The following BEND6 variants were observed in gnomAD, a reference collection of about 807,000 sequenced individuals.
BEND6 encodes the protein BEN domain-containing protein 6.
BEND6 carries 24 observed loss-of-function variants against 31.8 expected under a neutral mutation model. That is an observed-to-expected ratio of 0.75 (90% confidence interval 0.55 to 1.06). The LOEUF is 1.06. Ranked by LOEUF, BEND6 falls within the 50% of genes least tolerant of loss-of-function variation. The pLI is 0.00. For missense variants in BEND6, 294 were observed against 327.4 expected, an observed-to-expected ratio of 0.90 and a Z score of 0.79; for synonymous variants, 109 against 114.6, an observed-to-expected ratio of 0.95 and a Z score of 0.31.
chr6:56,966,284 TAG>T (rs1419116813), intron 1 of BEND6, among the ~76,000 whole-genome samples: 2 of 152,092 alleles, frequency 1.3e-5, no homozygotes, highest in Non-Finnish European at 2.9e-5. Flanking sequence ...GTATATTTAG[TAG>T]AGATGAAGTT....
chr6:56,996,210 G>T (rs879810441), intron 3 of BEND6, among the ~76,000 whole-genome samples: 1 of 152,118 alleles, frequency 6.6e-6, no homozygotes, highest in Non-Finnish European at 1.5e-5. Context: ...TCTTTGGGAG[G>T]CCAAAGCGGG....
At chr6:56,968,260 A>G (rs748104329) in intron 1 of BEND6, among the ~76,000 whole-genome samples, 4 of 150,356 alleles carry the variant, frequency 2.7e-5, no homozygotes, top group Admixed American at 6.6e-5. Flanking sequence ...ATTCAGGTCT[A>G]TAGCCCCCTC....
intron 1 of BEND6, among the ~76,000 whole-genome samples, chr6:56,961,740 TG>T (rs1825293957): frequency 6.6e-6 from 1 of 152,188 alleles, no homozygotes; most frequent in African/African-American, 2.4e-5. Context: ...ACAGACATTC[TG>T]GTAAATAAAG....
chr6:57,023,129 G>A (rs1827802725), intron 6 of BEND6, among the ~76,000 whole-genome samples: 1 of 152,190 alleles, frequency 6.6e-6, no homozygotes, highest in Non-Finnish European at 1.5e-5. Context: ...GTGAATATCA[G>A]TTTGGCCTAT....
At chr6:56,985,798 T>C (rs963966934) in intron 2 of BEND6, among the ~76,000 whole-genome samples, 1 of 152,262 alleles carries the variant, frequency 6.6e-6, no homozygotes, top group African/African-American at 2.4e-5. Context: ...TCTTGGTTAT[T>C]CTGATGGATT....
chr6:56,962,426 C>A (rs894779833), intron 1 of BEND6, among the ~76,000 whole-genome samples: 2 of 152,190 alleles, frequency 1.3e-5, no homozygotes, highest in Non-Finnish European at 2.9e-5. Flanking sequence ...CTGTTTCACT[C>A]CAGTGGGCAA....
At chr6:56,969,051 G>A (rs2127843169) in intron 1 of BEND6, among the ~76,000 whole-genome samples, 1 of 151,676 alleles carries the variant, frequency 6.6e-6, no homozygotes, top group African/African-American at 2.4e-5. Flanking sequence ...TCCAGCCTGG[G>A]AGACAGAGTC....
intron 1 of BEND6, among the ~76,000 whole-genome samples, chr6:56,972,973 T>G (rs1220166529): frequency 4.6e-5 from 7 of 152,158 alleles, no homozygotes; most frequent in Admixed American, 4.6e-4. Flanking sequence ...CTCTCTCTCT[T>G]CTGTGGAGCA....
Position 56,981,710 on chromosome 6 carries a change from G to T in BEND6, c.-100-1G>T. ...GTCATGTTTTTGTTTTTGTTTTTAA[G>T]GGAAAGCATTAACTTTTGAGCTACG... On this transcript the variant is annotated splice_acceptor_variant, in intron 1 of 6. Transcript: ENST00000370746. LOFTEE classifies it low-confidence loss of function (5UTR_SPLICE). 7.2e-7 allele frequency: 1 copy of T among 1,387,190 alleles called. No individual in the cohort carries two copies. The highest frequency in any genetic ancestry group is 1.3e-5 in the South Asian group (1 of 77,590). The allele number at this position is 1,387,190 out of a possible 1,614,324, so 85.9% of individuals were successfully genotyped here.
intron 3 of BEND6, among the ~76,000 whole-genome samples, chr6:57,011,600 C>A (rs1262270455): frequency 1.1e-4 from 17 of 150,792 alleles, no homozygotes; most frequent in African/African-American, 4.1e-4. Flanking sequence ...CACCCGTAGA[C>A]CCAGCTACTT....
At chr6:57,017,063 TA>T in intron 4 of BEND6, 143 bp from the exon 5 acceptor site, 1 of 275,078 alleles carries the variant, frequency 3.6e-6, no homozygotes, top group Non-Finnish European at 6.3e-6. Context: ...AATTAAAATG[TA>T]AAATATATAT....
intron 1 of BEND6, among the ~76,000 whole-genome samples, chr6:56,968,804 G>A (rs910660273): frequency 5.9e-5 from 9 of 152,018 alleles, no homozygotes; most frequent in African/African-American, 9.7e-5. Context: ...GGCCAGGTGC[G>A]GTGGCTCACA....
intron 2 of BEND6, among the ~76,000 whole-genome samples, chr6:56,991,518 C>T (rs984464837): frequency 9.2e-5 from 14 of 152,122 alleles, no homozygotes; most frequent in East Asian, 1.9e-4. Context: ...TGTGCCACCA[C>T]GCCTGGCTAA....
At chr6:57,023,257 C>T (rs991257458) in intron 6 of BEND6, among the ~76,000 whole-genome samples, 5 of 152,156 alleles carry the variant, frequency 3.3e-5, no homozygotes, top group African/African-American at 1.2e-4. Context: ...TGCAATCTGT[C>T]TCTCCCTTTA....
rs761089380 is a variant in BEND6, at chr6:57,015,198, G to C, written c.364G>C (p.Gly122Arg). ...VGMAEALLKGGGTMSTSASTL... is the reference protein window; with the variant it reads ...VGMAEALLKGRGTMSTSASTL... The stretch of plus-strand genomic sequence containing the variant: ...TATGGCCGAGGCTCTGCTTAAGGGT[G>C]GGGGAACCATGTCTACATCTGCATC... The change falls in exon 4 of 7, where the codon GGG becomes CGG. Residue 122 changes from glycine (G) to arginine (R), a missense_variant. Transcript: ENST00000370746. 1.9e-6 allele frequency: 3 copies of C among 1,614,046 alleles called. No homozygotes were observed. The highest frequency in any genetic ancestry group is 1.7e-5 in the Admixed American group (1 of 60,004).
At chr6:56,965,696 A>ATATATG (rs1338258337) in intron 1 of BEND6, among the ~76,000 whole-genome samples, 1 of 143,170 alleles carries the variant, frequency 7.0e-6, no homozygotes, top group Non-Finnish European at 1.5e-5. Context: ...ATATATATAT[A>ATATATG]TATATATGCG....
At chr6:57,025,759 T>C (rs1284853347) in intron 6 of BEND6, among the ~76,000 whole-genome samples, 3 of 152,180 alleles carry the variant, frequency 2.0e-5, no homozygotes. Flanking sequence ...TAAGGAAGCC[T>C]GAATCTCTTA....
At chr6:57,008,382 T>C (rs1827234483) in intron 3 of BEND6, 1 of 617,098 alleles carries the variant, frequency 1.6e-6, no homozygotes, top group Non-Finnish European at 2.9e-6. Flanking sequence ...GTCTGGGCAC[T>C]GATTTCCCTA....
chr6:56,991,764 C>A (rs558030519), intron 2 of BEND6, among the ~76,000 whole-genome samples: 3 of 152,054 alleles, frequency 2.0e-5, no homozygotes, highest in Admixed American at 1.3e-4. Context: ...AATGAACACA[C>A]CCATATAAAA....
Sources: allele counts gnomAD v4.1 joint callset (sites outside exome capture counted in the v4.1 genomes callset), GRCh38; gene constraint gnomAD v4.1.1; transcripts MANE v1.5; gene names NCBI Gene and HGNC (gene_info 2026-07-23, HGNC 2026-07-21).